LRP6: variants seen among roughly 807,000 people sequenced by gnomAD.
LRP6 encodes the protein low-density lipoprotein receptor-related protein 6.
In LRP6, 43 loss-of-function variants were observed where a neutral mutation model predicts 184.1. The ratio of observed to expected loss-of-function variants is 0.23; its 90% CI spans 0.18 to 0.30. The LOEUF is 0.30. Among genes scored for constraint, LRP6 ranks in the 10% least tolerant of loss-of-function variants. The pLI is 1.00. For synonymous variants in LRP6, 719 were observed against 684.9 expected, an observed-to-expected ratio of 1.05 and a Z score of -0.78; for missense variants, 1,571 against 2,005.3, an observed-to-expected ratio of 0.78 and a Z score of 4.14.
At chr12:12,130,697 A>G (rs1360572035) in intron 19 of LRP6, 86 bp downstream of exon 19, 1 of 784,242 alleles carries the variant, frequency 1.3e-6, no homozygotes, top group Non-Finnish European at 2.2e-6. Flanking sequence ...TAGAAAGGAA[A>G]TCTCGATAAG....
chr12:12,248,974 G>A (rs1250217787), intron 1 of LRP6: 1 of 512,970 alleles, frequency 1.9e-6, no homozygotes, highest in Non-Finnish European at 3.5e-6. Flanking sequence ...AAGTTCACAA[G>A]CAACAGCAAC....
At chr12:12,219,194 C>A (rs1195366410) in intron 2 of LRP6, among the ~76,000 whole-genome samples, 1 of 152,052 alleles carries the variant, frequency 6.6e-6, no homozygotes, top group Non-Finnish European at 1.5e-5. Context: ...TAACTGTCTA[C>A]CCCTTTTTGG....
Position 12,157,762 on chromosome 12 carries a change from C to CA in LRP6, c.2791+1066dup, listed in dbSNP as rs77372168. Among the ~76,000 whole-genome samples, 11 of 152,320 alleles carry CA rather than the reference C, an allele frequency of 7.2e-5. No individual in the cohort carries two copies. The East Asian group carries it at 2.1e-3, about 29-fold the overall frequency. ...TTCCATCATATTGACCCAAACCCTA[C>CA]ACCCCTCCCATAATCTACTCTTTCT... On this transcript the variant is annotated intron_variant, in intron 12 of 22. Transcript: ENST00000261349.
In LRP6 at chr12:12,144,312, A is replaced by C. The variant is rs554400945; in HGVS notation, c.3397+3054T>G. 3.9e-5 allele frequency among the ~76,000 whole-genome samples: 6 copies of C among 152,302 alleles called. No individual in the cohort carries two copies. In the South Asian group the frequency reaches 1.2e-3, roughly 32 times the overall value. On this transcript the variant is annotated intron_variant, in intron 15 of 22. Transcript: ENST00000261349. ...CTCATTGCAGCAGTGGGACAAAATT[A>C]ATTGTAATGAATGAAACATTTTCAT...
At chr12:12,172,386 A>C (rs931502036) in intron 7 of LRP6, among the ~76,000 whole-genome samples, 1 of 152,244 alleles carries the variant, frequency 6.6e-6, no homozygotes, top group African/African-American at 2.4e-5. Flanking sequence ...GAGTCATTTC[A>C]TCAGCTCATT....
At chr12:12,263,415 A>T (rs1476587445) in intron 1 of LRP6, among the ~76,000 whole-genome samples, 1 of 151,528 alleles carries the variant, frequency 6.6e-6, no homozygotes, top group African/African-American at 2.4e-5. Context: ...CTCTACTAAA[A>T]AATACAAAAA....
intron 12 of LRP6, among the ~76,000 whole-genome samples, chr12:12,152,501 G>A (rs1950095796): frequency 6.6e-6 from 1 of 151,862 alleles, no homozygotes; most frequent in Non-Finnish European, 1.5e-5. Flanking sequence ...TGGTCAGGCT[G>A]GTCTCGAACT....
chr12:12,217,160 T>A (rs1288176029), intron 2 of LRP6, among the ~76,000 whole-genome samples: 1 of 152,226 alleles, frequency 6.6e-6, no homozygotes, highest in African/African-American at 2.4e-5. Context: ...TTCATCTGTA[T>A]TTATAGCCGC....
intron 3 of LRP6, among the ~76,000 whole-genome samples, chr12:12,199,372 T>TG (rs1486807281): frequency 6.6e-6 from 1 of 151,968 alleles, no homozygotes; most frequent in Non-Finnish European, 1.5e-5. Flanking sequence ...AACTTTGAAG[T>TG]GAAAAAAAAG....
In LRP6 at chr12:12,136,384, A is replaced by G. The variant is rs1196135526; in HGVS notation, c.3608-1084T>C. 3.3e-5 allele frequency among the ~76,000 whole-genome samples: 5 copies of G among 152,352 alleles called. No individual in the cohort carries two copies. The East Asian group carries it at 9.6e-4, about 29-fold the overall frequency. Reference sequence around the variant, plus strand: ...AGAGTTATTAGAAGAAAAAAACTTAAAAGGCACATGTAACAGAACAATTCA... The same window carrying G: ...AGAGTTATTAGAAGAAAAAAACTTAGAAGGCACATGTAACAGAACAATTCA... On this transcript the variant is annotated intron_variant, in intron 16 of 22. Transcript: ENST00000261349.
intron 7 of LRP6, among the ~76,000 whole-genome samples, chr12:12,179,055 G>A (rs1212645589): frequency 6.6e-6 from 1 of 152,228 alleles, no homozygotes; most frequent in East Asian, 1.9e-4. Context: ...TTCTATCTAT[G>A]TGATCCATAA....
intron 1 of LRP6, among the ~76,000 whole-genome samples, chr12:12,254,525 T>C (rs1865414392): frequency 6.6e-6 from 1 of 152,210 alleles, no homozygotes; most frequent in Admixed American, 6.5e-5. Context: ...ACTTATCTTT[T>C]TCTCCCCCGT....
At chr12:12,253,293 T>C (rs967922552) in intron 1 of LRP6, among the ~76,000 whole-genome samples, 2 of 152,106 alleles carry the variant, frequency 1.3e-5, no homozygotes, top group Non-Finnish European at 2.9e-5. Flanking sequence ...AAGTTAATCA[T>C]TACGCTTATA....
intron 5 of LRP6, 146 bp downstream of exon 5, chr12:12,183,834 C>G (rs1863402292): frequency 2.9e-6 from 2 of 680,428 alleles, no homozygotes; most frequent in Non-Finnish European, 5.2e-6. Context: ...CAAAACACTC[C>G]TATTCTATAA....
In LRP6 at chr12:12,116,904, G is replaced by A. The variant is rs1304955523; in HGVS notation, c.*4222C>T. On this transcript the variant is annotated 3_prime_UTR_variant, in exon 23 of 23. Transcript: ENST00000261349. The stretch of plus-strand genomic sequence containing the variant: ...CACTCAGGTACAGGCTTTATGAGAC[G>A]TAGATCAAGTCAGACAATAGCCTGA... 6.6e-6 allele frequency: 1 copy of A among 152,214 alleles called. No individual in the cohort carries two copies. The highest frequency in any genetic ancestry group is 2.4e-5 in the African/African-American group (1 of 41,536). 9.4% of individuals were successfully genotyped at this position (152,214 alleles called of 1,614,324 possible).
chr12:12,178,774 CT>C (rs1347592348), intron 7 of LRP6, among the ~76,000 whole-genome samples: 8 of 152,136 alleles, frequency 5.3e-5, no homozygotes, highest in African/African-American at 1.9e-4. Flanking sequence ...TGAAAACCAG[CT>C]GCAAGAACAA....
intron 2 of LRP6, among the ~76,000 whole-genome samples, chr12:12,227,697 C>A (rs192214464): frequency 6.6e-6 from 1 of 152,130 alleles, no homozygotes; most frequent in African/African-American, 2.4e-5. Context: ...ACTTAAGTCA[C>A]CACACCTGGC....
intron 2 of LRP6, among the ~76,000 whole-genome samples, chr12:12,222,850 T>C (rs1864526764): frequency 6.6e-6 from 1 of 152,114 alleles, no homozygotes; most frequent in Non-Finnish European, 1.5e-5. Context: ...AGTAAATGTA[T>C]AGTAATAAAA....
intron 2 of LRP6, among the ~76,000 whole-genome samples, chr12:12,215,415 ATTATT>A (rs957840406): frequency 6.6e-5 from 10 of 152,122 alleles, no homozygotes; most frequent in African/African-American, 9.6e-5. Flanking sequence ...AAGGACTAAG[ATTATT>A]TTATTTTATT....
Sources: allele counts gnomAD v4.1 joint callset (sites outside exome capture counted in the v4.1 genomes callset), GRCh38; gene constraint gnomAD v4.1.1; transcripts MANE v1.5; gene names NCBI Gene and HGNC (gene_info 2026-07-23, HGNC 2026-07-21).